Variants in GPC5 observed in about 807,000 individuals in gnomAD.
The protein encoded by GPC5 is glypican-5.
In GPC5, 47 loss-of-function variants were observed where a neutral mutation model predicts 53.9. That is an observed-to-expected ratio of 0.87 (90% CI 0.69 to 1.11). The LOEUF is 1.11. GPC5 is among the 50% of genes most tolerant of loss of function. GPC5 has a pLI of 0.00. For synonymous variants in GPC5, 286 were observed against 263.3 expected, an observed-to-expected ratio of 1.09 and a Z score of -0.84; for missense variants, 748 against 713.1, an observed-to-expected ratio of 1.05 and a Z score of -0.56.
chr13:91,662,943 A>G (rs2035020011), intron 2 of GPC5, among the ~76,000 whole-genome samples: 1 of 152,216 alleles, frequency 6.6e-6, no homozygotes, highest in East Asian at 1.9e-4. Flanking sequence ...AGAGAGATGG[A>G]TAAATCAGAG....
chr13:91,721,711 G>A (rs955957788), intron 3 of GPC5, among the ~76,000 whole-genome samples: 1 of 152,066 alleles, frequency 6.6e-6, no homozygotes, highest in African/African-American at 2.4e-5. Flanking sequence ...CTATTTTAGA[G>A]TTGTTCTCTC....
At chr13:92,099,204 C>T (rs533225687) in intron 6 of GPC5, among the ~76,000 whole-genome samples, 2 of 152,158 alleles carry the variant, frequency 1.3e-5, no homozygotes, top group African/African-American at 2.4e-5. Flanking sequence ...AAACTACTTC[C>T]ATCTTGCCTC....
chr13:91,409,555 G>C (rs1212732246), intron 1 of GPC5, among the ~76,000 whole-genome samples: 1 of 152,194 alleles, frequency 6.6e-6, no homozygotes, highest in African/African-American at 2.4e-5. Flanking sequence ...AAAACTAGTA[G>C]TTATGACAAA....
intron 2 of GPC5, among the ~76,000 whole-genome samples, chr13:91,475,040 T>A (rs1274184471): frequency 6.6e-6 from 1 of 152,192 alleles, no homozygotes; most frequent in Non-Finnish European, 1.5e-5. Flanking sequence ...AACGTTACTA[T>A]AACTTAAAAA....
At chr13:92,662,988 T>C (rs1228933783) in intron 7 of GPC5, among the ~76,000 whole-genome samples, 5 of 152,216 alleles carry the variant, frequency 3.3e-5, no homozygotes, top group Non-Finnish European at 7.3e-5. Context: ...AAAACCACTT[T>C]TGTTAAGAAC....
chr13:91,883,510 G>A (rs1428237855), intron 5 of GPC5, among the ~76,000 whole-genome samples: 2 of 152,186 alleles, frequency 1.3e-5, no homozygotes, highest in African/African-American at 4.8e-5. Flanking sequence ...AAATGTGGAA[G>A]AATCATGCTC....
chr13:91,496,038 TAAA>T (rs1219151964), intron 2 of GPC5, among the ~76,000 whole-genome samples: 12 of 101,190 alleles, frequency 1.2e-4, no homozygotes, highest in African/African-American at 2.6e-4. Flanking sequence ...AAATAAAAAA[TAAA>T]AAATAAATAA....
intron 6 of GPC5, among the ~76,000 whole-genome samples, chr13:92,098,532 G>A (rs558011445): frequency 1.3e-5 from 2 of 152,064 alleles, no homozygotes; most frequent in Non-Finnish European, 2.9e-5. Context: ...TATGTGACAC[G>A]AATAGGTATC....
intron 6 of GPC5, among the ~76,000 whole-genome samples, chr13:91,976,066 A>G (rs1232219391): frequency 6.6e-6 from 1 of 152,192 alleles, no homozygotes; most frequent in African/African-American, 2.4e-5. Flanking sequence ...CTAGGAATTG[A>G]ACAATGAGAA....
chr13:92,400,852 A>T (rs1174026754), intron 7 of GPC5, among the ~76,000 whole-genome samples: 1 of 152,216 alleles, frequency 6.6e-6, no homozygotes, highest in Non-Finnish European at 1.5e-5. Context: ...AATGCTTGGC[A>T]AATAAAATGT....
At chr13:91,540,483 T>A (rs1340347696) in intron 2 of GPC5, among the ~76,000 whole-genome samples, 1 of 152,210 alleles carries the variant, frequency 6.6e-6, no homozygotes, top group Admixed American at 6.5e-5. Flanking sequence ...GAAGAGTGAC[T>A]GCTAACCGAT....
At chr13:92,037,284 C>T (rs2040901507) in intron 6 of GPC5, among the ~76,000 whole-genome samples, 1 of 152,030 alleles carries the variant, frequency 6.6e-6, no homozygotes, top group Non-Finnish European at 1.5e-5. Context: ...TCCAAAATAC[C>T]AAGTGTATTT....
intron 7 of GPC5, among the ~76,000 whole-genome samples, chr13:92,303,206 T>A (rs2043087211): frequency 6.6e-6 from 1 of 151,698 alleles, no homozygotes; most frequent in Admixed American, 6.6e-5. Context: ...GGGGCAACAG[T>A]GGTTGGGCTC....
intron 2 of GPC5, among the ~76,000 whole-genome samples, chr13:91,664,610 A>G (rs901293022): frequency 2.0e-5 from 3 of 152,238 alleles, no homozygotes; most frequent in Non-Finnish European, 4.4e-5. Context: ...TTCATTCTGT[A>G]TATACATGGC....
chr13:92,577,373 T>C (rs1230483741), intron 7 of GPC5, among the ~76,000 whole-genome samples: 1 of 151,784 alleles, frequency 6.6e-6, no homozygotes, highest in Non-Finnish European at 1.5e-5. Context: ...ACTATATAGC[T>C]AGATAGATAA....
At chr13:92,197,970 A>G in intron 7 of GPC5, among the ~76,000 whole-genome samples, 1 of 152,270 alleles carries the variant, frequency 6.6e-6, no homozygotes, top group East Asian at 1.9e-4. Context: ...AACATGCCAA[A>G]AAAATCCTTG....
intron 7 of GPC5, among the ~76,000 whole-genome samples, chr13:92,838,515 A>C (rs1056728529): frequency 3.3e-5 from 5 of 151,610 alleles, no homozygotes; most frequent in Admixed American, 1.3e-4. Context: ...AAAAGAAAGT[A>C]AACCTACTCT....
chr13:91,588,235 A>G (rs890441133), intron 2 of GPC5, among the ~76,000 whole-genome samples: 1 of 152,152 alleles, frequency 6.6e-6, no homozygotes, highest in Non-Finnish European at 1.5e-5. Context: ...GCTATGGTAA[A>G]TATTCTTAGG....
chr13:91,958,974 G>A (rs1479109484), intron 6 of GPC5, among the ~76,000 whole-genome samples: 1 of 149,554 alleles, frequency 6.7e-6, no homozygotes, highest in Non-Finnish European at 1.5e-5. Context: ...TGAGTAACTG[G>A]AAAATCAAGA....
Sources: allele counts gnomAD v4.1 joint callset (sites outside exome capture counted in the v4.1 genomes callset), GRCh38; gene constraint gnomAD v4.1.1; transcripts MANE v1.5; gene names NCBI Gene and HGNC (gene_info 2026-07-23, HGNC 2026-07-21).